The following IRAG1 variants were observed in gnomAD, a reference collection of about 807,000 sequenced individuals.
IRAG1 encodes IP3R-associated cGMP kinase substrate.
A neutral mutation model predicts 106.2 loss-of-function variants in IRAG1; 62 were observed. The ratio of observed to expected loss-of-function variants is 0.58; its 90% CI spans 0.48 to 0.72. The LOEUF (loss-of-function observed/expected upper bound fraction) is 0.72, where lower values mean the gene tolerates loss of function less well. Ranked by LOEUF, IRAG1 falls within the 30% of genes least tolerant of loss-of-function variation. The pLI, the probability that IRAG1 is intolerant of heterozygous loss-of-function variation, is 0.00. For synonymous variants in IRAG1, 462 were observed against 443.9 expected (o/e 1.04, Z -0.51); for missense variants, 1,064 against 1,140.7 (o/e 0.93, Z 0.97).
chr11:10,693,715 C>T lies in IRAG1; in HGVS notation c.-113G>A. On this transcript the variant is annotated 5_prime_UTR_variant, in exon 1 of 21. Transcript: ENST00000423302. ...GGCTGGGACTTAGAGCCGAGAGCTCCTCTGGGAGCCCCACTCCGGCCTGGC... is the reference window on the plus strand; with the variant it reads ...GGCTGGGACTTAGAGCCGAGAGCTCTTCTGGGAGCCCCACTCCGGCCTGGC... 1 of 1,261,650 alleles carries T rather than the reference C, an allele frequency of 7.9e-7. No homozygotes were observed. The highest frequency in any genetic ancestry group is 2.5e-5 in the East Asian group (1 of 39,306). The allele number at this position is 1,261,650 out of a possible 1,614,324, so 78.2% of individuals were successfully genotyped here.
At chr11:10,577,268 C>T (rs1428432834) in intron 20 of IRAG1, among the ~76,000 whole-genome samples, 3 of 152,156 alleles carry the variant, frequency 2.0e-5, no homozygotes, top group African/African-American at 4.8e-5. Flanking sequence ...ATTTCTCCCT[C>T]TTCCTCCTCT....
At chr11:10,636,029 C>A (rs2134701290) in intron 2 of IRAG1, among the ~76,000 whole-genome samples, 1 of 152,202 alleles carries the variant, frequency 6.6e-6, no homozygotes, top group Non-Finnish European at 1.5e-5. Context: ...AGCAGCATTG[C>A]CTATTGGAAG....
chr11:10,615,135 A>G (rs1329130270), intron 10 of IRAG1, among the ~76,000 whole-genome samples: 1 of 152,260 alleles, frequency 6.6e-6, no homozygotes, highest in Non-Finnish European at 1.5e-5. Context: ...ATGAACAGAC[A>G]CTTCTCAAAA....
At chr11:10,581,808 T>A in intron 19 of IRAG1, 59 bp downstream of exon 19, 1 of 1,585,270 alleles carries the variant, frequency 6.3e-7, no homozygotes, top group Non-Finnish European at 8.6e-7. Flanking sequence ...GAAAGACCCA[T>A]GGGAAGGCAT....
intron 2 of IRAG1, 68 bp from the exon 3 acceptor site, chr11:10,634,139 A>G: frequency 3.2e-6 from 3 of 932,074 alleles, no homozygotes; most frequent in South Asian, 1.6e-5. Flanking sequence ...CAGGAGCCAG[A>G]GCATTTATTC....
At chr11:10,676,090 G>T (rs1296939556) in intron 1 of IRAG1, among the ~76,000 whole-genome samples, 3 of 152,218 alleles carry the variant, frequency 2.0e-5, no homozygotes, top group Non-Finnish European at 4.4e-5. Flanking sequence ...TTTGATCTTT[G>T]TGATCATGTC....
intron 15 of IRAG1, among the ~76,000 whole-genome samples, chr11:10,600,409 TCTATC>T (rs1390418759): frequency 6.6e-6 from 1 of 152,240 alleles, no homozygotes; most frequent in Admixed American, 6.5e-5. Flanking sequence ...CATGGGGTTT[TCTATC>T]CCTGCTTTGT....
chr11:10,591,397 A>G, intron 18 of IRAG1, 151 bp downstream of exon 18: 1 of 743,618 alleles, frequency 1.3e-6, no homozygotes, highest in Non-Finnish European at 2.2e-6. Flanking sequence ...AGGTTCTGAA[A>G]TCTTTGTGGG....
At chr11:10,643,938 C>T (rs12281344) in intron 2 of IRAG1, among the ~76,000 whole-genome samples, 1,573 of 152,310 alleles carry the variant, frequency 0.01, 27 homozygotes, top group African/African-American at 0.036. Flanking sequence ...TATGCATTTC[C>T]GACTGTCTGT....
intron 1 of IRAG1, among the ~76,000 whole-genome samples, chr11:10,689,119 A>G (rs1317840840): frequency 6.6e-6 from 1 of 152,260 alleles, no homozygotes; most frequent in Non-Finnish European, 1.5e-5. Context: ...AAAAAGCAAT[A>G]CCACTTACCA....
intron 14 of IRAG1, among the ~76,000 whole-genome samples, chr11:10,602,662 T>G (rs1417525297): frequency 6.6e-6 from 1 of 152,214 alleles, no homozygotes; most frequent in Non-Finnish European, 1.5e-5. Flanking sequence ...GTGGATTTAA[T>G]GAGACAAAGC....
At chr11:10,621,067 T>C (rs1406209312) in intron 10 of IRAG1, among the ~76,000 whole-genome samples, 1 of 152,228 alleles carries the variant, frequency 6.6e-6, no homozygotes, top group African/African-American at 2.4e-5. Flanking sequence ...ATTGTTAGTT[T>C]TTCAGAATTG....
chr11:10,691,712 AG>A (rs5789646), intron 1 of IRAG1, among the ~76,000 whole-genome samples: 111,084 of 151,954 alleles, frequency 0.73, 40,802 homozygotes, highest in East Asian at 0.87. Context: ...GCATTCTGTG[AG>A]GGGGCATGTG....
intron 11 of IRAG1, among the ~76,000 whole-genome samples, chr11:10,609,173 T>C (rs147091025): frequency 1.2e-4 from 18 of 152,334 alleles, no homozygotes; most frequent in African/African-American, 4.3e-4. Context: ...CACAGAGGCC[T>C]TTCCTTGACC....
intron 1 of IRAG1, chr11:10,690,415 T>G: frequency 7.8e-7 from 1 of 1,285,070 alleles, no homozygotes; most frequent in Non-Finnish European, 1.0e-6. Flanking sequence ...TGTCCTCTGC[T>G]TTCCACCTCC....
At chr11:10,640,712 C>A (rs1564923326) in intron 2 of IRAG1, among the ~76,000 whole-genome samples, 1 of 152,200 alleles carries the variant, frequency 6.6e-6, no homozygotes, top group Non-Finnish European at 1.5e-5. Flanking sequence ...GGCAGGCCTT[C>A]AAGAAAGCTT....
chr11:10,629,652 C>G lies in IRAG1; in HGVS notation c.460G>C (p.Glu154Gln), dbSNP rs1162735207. ...NDQLPDISIS[E>Q]EDKKKNLALL... ...GCCAGGTTTTTCTTCTTGTCCTCCTCTGAGATGCTGATGTCTGGCAGCTGG... is the reference window on the plus strand; with the variant it reads ...GCCAGGTTTTTCTTCTTGTCCTCCTGTGAGATGCTGATGTCTGGCAGCTGG... The change falls in exon 5 of 21, where the codon GAG becomes CAG. Residue 154 changes from glutamate to glutamine, a missense_variant. Coordinates refer to ENST00000423302, the MANE Select transcript of IRAG1 (RefSeq NM_130385.4). 1.9e-6 allele frequency: 3 copies of G among 1,613,816 alleles called. No individual in the cohort carries two copies. The highest frequency in any genetic ancestry group is 2.5e-6 in the Non-Finnish European group (3 of 1,179,870).
intron 3 of IRAG1, 68 bp downstream of exon 3, chr11:10,633,900 T>G: frequency 1.2e-6 from 1 of 826,894 alleles, no homozygotes; most frequent in African/African-American, 1.8e-5. Context: ...TATTTAAAAA[T>G]ATAGCTGTCT....
At chr11:10,650,930 G>A (rs565076488) in intron 2 of IRAG1, among the ~76,000 whole-genome samples, 2 of 152,302 alleles carry the variant, frequency 1.3e-5, no homozygotes, top group Non-Finnish European at 2.9e-5. Context: ...TCCCAGAGTC[G>A]TAATGTGTCA....
Sources: gnomAD v4.1 joint callset for allele counts (sites outside exome capture counted in the v4.1 genomes callset) on GRCh38, gnomAD v4.1.1 for gene constraint, MANE v1.5 for transcripts, NCBI Gene and HGNC (gene_info 2026-07-23, HGNC 2026-07-21) for gene names.